Variants in RUNX1T1 observed in about 807,000 individuals in gnomAD.
RUNX1T1 encodes protein CBFA2T1.
RUNX1T1 carries 4 observed loss-of-function variants against 62.8 expected under a neutral mutation model. That is an observed-to-expected ratio of 0.06 (90% confidence interval 0.03 to 0.15). The LOEUF (loss-of-function observed/expected upper bound fraction) is 0.15, where lower values mean the gene tolerates loss of function less well. RUNX1T1 is among the 10% of genes least tolerant of loss of function. The pLI is 1.00. For synonymous variants in RUNX1T1, 291 were observed against 286.0 expected (o/e 1.02, Z -0.18); for missense variants, 508 against 754.3 (o/e 0.67, Z 3.82).
chr8:92,091,950 T>C (rs1461017847), intron 1 of RUNX1T1, among the ~76,000 whole-genome samples: 1 of 152,224 alleles, frequency 6.6e-6, no homozygotes, highest in Non-Finnish European at 1.5e-5. Flanking sequence ...CCTTTATACA[T>C]TCCTGAAATA....
chr8:91,973,266 G>T (rs1196885746), intron 9 of RUNX1T1, among the ~76,000 whole-genome samples: 1 of 151,760 alleles, frequency 6.6e-6, no homozygotes, highest in Non-Finnish European at 1.5e-5. Context: ...TTAAGAGAAA[G>T]AAGAGGATGA....
chr8:92,102,852 C>G (rs1838105358), upstream of RUNX1T1: 1 of 1,521,040 alleles, frequency 6.6e-7, no homozygotes, highest in Non-Finnish European at 8.8e-7. This position sits in a 1 kb window ranked among gnomAD's most constrained non-coding sequence, Gnocchi z 4.5. Flanking sequence ...ACCGCGGACA[C>G]TTACACTGCA....
chr8:92,028,400 T>C lies in RUNX1T1; in HGVS notation c.8-11037A>G, dbSNP rs562618012. Among the ~76,000 whole-genome samples the C allele has an allele frequency of 2.6e-5, 4 of 152,244 alleles. No individual in the cohort carries two copies. In the East Asian group the frequency reaches 7.7e-4, roughly 29 times the overall value. On this transcript the variant is annotated intron_variant, in intron 1 of 10. Transcript: ENST00000396218. ...TGTATGTCTAAGTCCTTCAGAAATG[T>C]CATCCCTCCCACAGCTGTTACCACC... is the stretch of plus-strand genomic sequence containing the variant.
At chr8:92,094,109 AG>A (rs1837437870) in intron 1 of RUNX1T1, among the ~76,000 whole-genome samples, 1 of 152,222 alleles carries the variant, frequency 6.6e-6, no homozygotes, top group African/African-American at 2.4e-5. Flanking sequence ...ATGCTCACTG[AG>A]GCAACAGCAA....
chr8:92,044,968 A>G (rs7002565), intron 1 of RUNX1T1, among the ~76,000 whole-genome samples: 1 of 151,774 alleles, frequency 6.6e-6, no homozygotes, highest in African/African-American at 2.4e-5. Context: ...CAGGGGCCTA[A>G]GCCTGTAATC....
Position 92,058,454 on chromosome 8 carries a change from A to G in RUNX1T1, c.7+4092T>C, listed in dbSNP as rs149536891. On this transcript the variant is annotated intron_variant, in intron 1 of 10. Coordinates refer to ENST00000396218, the Ensembl canonical transcript of RUNX1T1. ...CTCTGCAATCCTAGAGTGGGAGGGGAGAAAGCATACGATGAGAGCGATCCA... is the reference window on the plus strand; with the variant it reads ...CTCTGCAATCCTAGAGTGGGAGGGGGGAAAGCATACGATGAGAGCGATCCA... 4.1e-3 allele frequency among the ~76,000 whole-genome samples: 626 copies of G among 152,314 alleles called. 5 individuals are homozygous for G. The highest frequency in any genetic ancestry group is 0.014 in the African/African-American group (596 of 41,556).
At chr8:92,038,256 C>G (rs1350821942) in intron 1 of RUNX1T1, among the ~76,000 whole-genome samples, 5 of 152,048 alleles carry the variant, frequency 3.3e-5, no homozygotes, top group African/African-American at 9.7e-5. Context: ...AGTTTAATCT[C>G]TCTCCCAGAG....
intron 7 of RUNX1T1, 73 bp downstream of exon 8, chr8:91,986,814 T>C (rs1816660443): frequency 4.0e-6 from 4 of 997,300 alleles, no homozygotes; most frequent in Non-Finnish European, 6.4e-6. Context: ...ACCAAGCTTT[T>C]ATTTTATCAC....
upstream of RUNX1T1, among the ~76,000 whole-genome samples, chr8:92,066,061 G>C (rs1249912373): frequency 6.6e-6 from 1 of 152,164 alleles, no homozygotes; most frequent in African/African-American, 2.4e-5. Flanking sequence ...TTAACAAAGT[G>C]AAAAAACAAG....
chr8:91,972,511 AG>A (rs1813062180), intron 9 of RUNX1T1, among the ~76,000 whole-genome samples: 1 of 152,120 alleles, frequency 6.6e-6, no homozygotes, highest in Non-Finnish European at 1.5e-5. Context: ...CTTCTTCACC[AG>A]GAGGTGAAAA....
intron 2 of RUNX1T1, among the ~76,000 whole-genome samples, chr8:92,072,619 T>C (rs1234797495): frequency 6.6e-6 from 1 of 152,236 alleles, no homozygotes; most frequent in South Asian, 2.1e-4. Flanking sequence ...ACAACTGGCA[T>C]GCTGCCAAAT....
At chr8:92,102,413 AAAAAG>A (rs1357761851), upstream of RUNX1T1, among the ~76,000 whole-genome samples, 1 of 151,346 alleles carries the variant, frequency 6.6e-6, no homozygotes, top group African/African-American at 2.4e-5. This position sits in a 1 kb window ranked among gnomAD's most constrained non-coding sequence, Gnocchi z 4.5. Flanking sequence ...CAGTTTACAG[AAAAAG>A]AAAAGAAAAA....
intron 1 of RUNX1T1, among the ~76,000 whole-genome samples, chr8:92,054,638 T>C (rs1830741760): frequency 6.6e-6 from 1 of 152,220 alleles, no homozygotes; most frequent in Non-Finnish European, 1.5e-5. Flanking sequence ...TTTTGATAGA[T>C]GGCCTCATAA....
At chr8:92,000,467 CA>C (rs766146635) in intron 5 of RUNX1T1, among the ~76,000 whole-genome samples, 3 of 152,122 alleles carry the variant, frequency 2.0e-5, no homozygotes, top group Non-Finnish European at 4.4e-5. Context: ...AAAATCCCTA[CA>C]TTTTTTTCAT....
chr8:92,086,720 G>A (rs935035930), intron 1 of RUNX1T1, among the ~76,000 whole-genome samples: 2 of 152,218 alleles, frequency 1.3e-5, no homozygotes, highest in African/African-American at 2.4e-5. Context: ...CAAGTTAAGA[G>A]CACTTGATAG....
intron 5 of RUNX1T1, chr8:91,994,489 TACTGGC>T (rs1418022077): frequency 5.0e-6 from 2 of 399,554 alleles, no homozygotes; most frequent in Non-Finnish European, 1.0e-5. Context: ...GCACCTACCT[TACTGGC>T]ATTGTGGTGT....
At chr8:91,989,007 G>A (rs1437428458) in intron 6 of RUNX1T1, among the ~76,000 whole-genome samples, 1 of 152,074 alleles carries the variant, frequency 6.6e-6, no homozygotes, top group Admixed American at 6.5e-5. Context: ...CATAATACCA[G>A]AGGGATGTAC....
intron 1 of RUNX1T1, among the ~76,000 whole-genome samples, chr8:92,032,463 C>T (rs757710788): frequency 6.6e-6 from 1 of 152,020 alleles, no homozygotes; most frequent in Non-Finnish European, 1.5e-5. Flanking sequence ...GAGACAATAA[C>T]CATGATGAGC....
At chr8:92,008,134 C>T (rs1460758327) in intron 4 of RUNX1T1, among the ~76,000 whole-genome samples, 2 of 152,034 alleles carry the variant, frequency 1.3e-5, no homozygotes, top group African/African-American at 4.8e-5. Context: ...CAAAACAATA[C>T]ACTGCAAAGC....
Sources: allele counts gnomAD v4.1 joint callset (sites outside exome capture counted in the v4.1 genomes callset), GRCh38; gene constraint gnomAD v4.1.1; non-coding constraint Gnocchi (gnomAD v3.1); transcripts MANE v1.5; gene names NCBI Gene and HGNC (gene_info 2026-07-23, HGNC 2026-07-21).